Variants in SNTG2 observed in about 807,000 individuals in gnomAD.
SNTG2 encodes the protein syntrophin gamma 2.
SNTG2 carries 74 observed loss-of-function variants against 70.9 expected under a neutral mutation model. That is an observed-to-expected ratio of 1.04 (90% CI 0.86 to 1.27). SNTG2 has a LOEUF of 1.27. SNTG2 is among the 50% of genes most tolerant of loss of function. The probability of loss-of-function intolerance (pLI) is 0.00; values close to 1 mark genes in which losing one functional copy is unlikely to be tolerated. For missense variants in SNTG2, 717 were observed against 690.7 expected (o/e 1.04, Z -0.43); for synonymous variants, 278 against 273.8 (o/e 1.02, Z -0.15).
intron 1 of SNTG2, among the ~76,000 whole-genome samples, chr2:1,003,035 A>C (rs1659456143): frequency 1.3e-5 from 2 of 152,136 alleles, no homozygotes; most frequent in Non-Finnish European, 2.9e-5. Flanking sequence ...TTCCACTTCC[A>C]AGTGAGAGCT....
At chr2:1,179,899 C>G (rs1671744713) in intron 8 of SNTG2, among the ~76,000 whole-genome samples, 1 of 141,914 alleles carries the variant, frequency 7.0e-6, no homozygotes, top group Non-Finnish European at 1.5e-5. Context: ...ACAGAGCCCT[C>G]AGAAATAATG....
At chr2:1,113,917 T>TA (rs1392645510) in intron 4 of SNTG2, among the ~76,000 whole-genome samples, 2 of 151,564 alleles carry the variant, frequency 1.3e-5, no homozygotes, top group African/African-American at 4.9e-5. Flanking sequence ...GTTTAACCCT[T>TA]ACAGTCCTTT....
At chr2:1,186,524 A>G (rs1304009954) in intron 8 of SNTG2, among the ~76,000 whole-genome samples, 2 of 152,196 alleles carry the variant, frequency 1.3e-5, no homozygotes, top group Non-Finnish European at 2.9e-5. Flanking sequence ...GGCTCATAGT[A>G]CCACAGGGTA....
intron 2 of SNTG2, among the ~76,000 whole-genome samples, chr2:1,092,384 G>T (rs1665091198): frequency 6.6e-6 from 1 of 152,152 alleles, no homozygotes; most frequent in African/African-American, 2.4e-5. Context: ...CGAGGACCTG[G>T]GGAGAGAGCA....
At chr2:951,108 C>T (rs1258143221) in intron 1 of SNTG2, 40 bp downstream of exon 1, 5 of 1,010,506 alleles carry the variant, frequency 4.9e-6, no homozygotes, top group Admixed American at 4.3e-5. Flanking sequence ...CTCCGGCCCC[C>T]CTTCCCTCTC....
chr2:1,229,551 A>C (rs1461555735), intron 9 of SNTG2, among the ~76,000 whole-genome samples: 1 of 152,240 alleles, frequency 6.6e-6, no homozygotes, highest in Non-Finnish European at 1.5e-5. Flanking sequence ...TGGATCCGGC[A>C]CCGGGGCTGC....
chr2:961,289 C>G (rs1450625705), intron 1 of SNTG2, among the ~76,000 whole-genome samples: 1 of 152,160 alleles, frequency 6.6e-6, no homozygotes, highest in African/African-American at 2.4e-5. Flanking sequence ...TCACTGCAAC[C>G]TCTGCCTCTG....
intron 8 of SNTG2, among the ~76,000 whole-genome samples, chr2:1,185,645 G>A (rs1345094120): frequency 6.6e-6 from 1 of 152,164 alleles, no homozygotes; most frequent in Non-Finnish European, 1.5e-5. Context: ...ACATATCTGG[G>A]ACCCTTATAC....
intron 1 of SNTG2, among the ~76,000 whole-genome samples, chr2:1,008,654 G>T (rs1329447135): frequency 6.6e-6 from 1 of 152,032 alleles, no homozygotes; most frequent in Non-Finnish European, 1.5e-5. Flanking sequence ...CTAATGATAG[G>T]TGACATAAAT....
chr2:985,032 AT>A (rs1355179224), intron 1 of SNTG2, among the ~76,000 whole-genome samples: 2 of 152,080 alleles, frequency 1.3e-5, no homozygotes, highest in Non-Finnish European at 2.9e-5. Context: ...TTATATGTCC[AT>A]TTTTTTCCCC....
At chr2:1,238,180 C>T (rs1402566540) in intron 10 of SNTG2, among the ~76,000 whole-genome samples, 163 bp downstream of exon 10, 1 of 152,100 alleles carries the variant, frequency 6.6e-6, no homozygotes, top group African/African-American at 2.4e-5. Flanking sequence ...ATGAAGCCAT[C>T]AGAATGTTTC....
At chr2:1,329,082 T>C (rs1681882146) in intron 16 of SNTG2, among the ~76,000 whole-genome samples, 1 of 152,196 alleles carries the variant, frequency 6.6e-6, no homozygotes, top group Admixed American at 6.5e-5. Context: ...CAAACATTCC[T>C]GGTTTTTTTT....
chr2:1,322,578 C>A (rs749276432), intron 16 of SNTG2, among the ~76,000 whole-genome samples: 1 of 152,138 alleles, frequency 6.6e-6, no homozygotes, highest in Non-Finnish European at 1.5e-5. Context: ...GTACCAGATT[C>A]AACTCCCTGA....
intron 14 of SNTG2, among the ~76,000 whole-genome samples, chr2:1,294,149 A>G (rs909308080): frequency 6.6e-6 from 1 of 152,188 alleles, no homozygotes. Context: ...AGTGGCTCCT[A>G]TTTTTTGGAG....
chr2:1,307,839 G>A (rs994386191), intron 14 of SNTG2, among the ~76,000 whole-genome samples: 11 of 152,344 alleles, frequency 7.2e-5, no homozygotes, highest in African/African-American at 2.6e-4. Context: ...GAGCCCAGGA[G>A]CAGAGAACCC....
chr2:1,128,369 A>T (rs1478317999), intron 4 of SNTG2, among the ~76,000 whole-genome samples: 1 of 152,170 alleles, frequency 6.6e-6, no homozygotes, highest in Non-Finnish European at 1.5e-5. Flanking sequence ...ACATTTTATT[A>T]TACATATGAA....
rs1183973375 is a variant in SNTG2 at position 1,353,352 on chromosome 2, ACT to A, written c.1489-13986_1489-13985del. ...GGAAGTGCCTGGGGCCCTGGCTTGG[ACT>A]CTCTGCAGCACCGCAAGTGTGGAAT... On this transcript the variant is annotated intron_variant, in intron 16 of 16. Transcript: ENST00000308624. This position sits in a 1 kb window ranked among gnomAD's most constrained non-coding sequence, Gnocchi z 4.2. Among the ~76,000 whole-genome samples the A allele has an allele frequency of 4.0e-5, 6 of 151,640 alleles. 1 individual carries two copies. The highest frequency in any genetic ancestry group is 3.9e-4 in the Admixed American group (6 of 15,214).
At chr2:1,204,817 G>A (rs4247823) in intron 8 of SNTG2, among the ~76,000 whole-genome samples, 1 of 151,994 alleles carries the variant, frequency 6.6e-6, no homozygotes, top group Non-Finnish European at 1.5e-5. Context: ...TTGGTACTAC[G>A]CACAGTTTTC....
At chr2:1,009,696 G>A (rs555461376) in intron 1 of SNTG2, among the ~76,000 whole-genome samples, 27 of 124,984 alleles carry the variant, frequency 2.2e-4, no homozygotes, top group Middle Eastern at 4.3e-3. Flanking sequence ...GGTGTGGGTC[G>A]TGTGTATGGC....
Sources: allele counts gnomAD v4.1 joint callset (sites outside exome capture counted in the v4.1 genomes callset), GRCh38; gene constraint gnomAD v4.1.1; non-coding constraint Gnocchi (gnomAD v3.1); transcripts MANE v1.5; gene names NCBI Gene and HGNC (gene_info 2026-07-23, HGNC 2026-07-21).